The following CHD4 variants were observed in gnomAD, a reference collection of about 807,000 sequenced individuals.
The protein encoded by CHD4 is ATP-dependent chromatin remodeler CHD4.
A neutral mutation model predicts 235.5 loss-of-function variants in CHD4; 35 were observed. The ratio of observed to expected loss-of-function variants is 0.15; its 90% CI spans 0.11 to 0.20. The LOEUF is 0.20. Among genes scored for constraint, CHD4 ranks in the 10% least tolerant of loss-of-function variants. CHD4 has a pLI of 1.00. For synonymous variants in CHD4, 900 were observed against 850.2 expected, an observed-to-expected ratio of 1.06 and a Z score of -1.02; for missense variants, 1,329 against 2,432.3, an observed-to-expected ratio of 0.55 and a Z score of 9.54.
At chr12:6,576,378 G>C (rs1332098362) in intron 37 of CHD4, among the ~76,000 whole-genome samples, 1 of 151,904 alleles carries the variant, frequency 6.6e-6, no homozygotes, top group Non-Finnish European at 1.5e-5. Flanking sequence ...AACAAAACAG[G>C]GTCTCACTCC....
At chr12:6,584,079 A>C (rs1296661686) in intron 25 of CHD4, 2 of 152,176 alleles carry the variant, frequency 1.3e-5, no homozygotes, top group Non-Finnish European at 2.9e-5. Context: ...GGATTCAAAC[A>C]ACCATAGATG....
chr12:6,583,381 G>A lies in CHD4; in HGVS notation c.3880-3C>T. The A allele has an allele frequency of 6.2e-7, 1 of 1,602,982 alleles. No homozygotes were observed. Among genetic ancestry groups the A allele is most frequent in the Non-Finnish European group, 8.5e-7 (1 of 1,173,466 alleles). On this transcript the variant is annotated splice_polypyrimidine_tract_variant and splice_region_variant and intron_variant, in intron 25 of 39. Coordinates refer to ENST00000544040, the MANE Select transcript of CHD4 (RefSeq NM_001273.5). ...TCCCGTTCTACCTCCTCTTCCTCCTGGGACAGAGGGAGGGCCAGGACTCAG... is the reference window on the plus strand; with the variant it reads ...TCCCGTTCTACCTCCTCTTCCTCCTAGGACAGAGGGAGGGCCAGGACTCAG...
Position 6,570,875 on chromosome 12 carries a change from T to TG in CHD4, c.5714dup (p.Gln1906ThrfsTer21). ...AAGAAGAAAATGGTCCTACCTGCTGTGGGGTAGGTTCGGGTGCCCGGTTTG... is the reference window on the plus strand; with the variant it reads ...AAGAAGAAAATGGTCCTACCTGCTGTGGGGGTAGGTTCGGGTGCCCGGTTTG... On this transcript the variant is annotated frameshift_variant, in exon 39 of 40. Transcript: ENST00000544040. LOFTEE classifies it high-confidence loss of function. 1 of 1,614,136 alleles carries TG rather than the reference T, an allele frequency of 6.2e-7. No homozygotes were observed. The highest frequency in any genetic ancestry group is 8.5e-7 in the Non-Finnish European group (1 of 1,180,002).
At chr12:6,580,710 A>AAAAAAAAAAAAC (rs1183964852) in intron 33 of CHD4, 5,138 of 195,894 alleles carry the variant, frequency 0.026, 216 homozygotes, top group Non-Finnish European at 0.04. Context: ...CTTTGAAAAA[A>AAAAAAAAAAAAC]AAAAAAAAAA....
rs754085534 is a variant in CHD4 at position 6,600,401 on chromosome 12, C to CAAGG, written c.1064-10_1064-7dup. 1.1e-5 allele frequency: 18 copies of CAAGG among 1,613,746 alleles called. No homozygotes were observed. Among genetic ancestry groups the CAAGG allele is most frequent in the Non-Finnish European group, 1.4e-5 (16 of 1,179,774 alleles). On this transcript the variant is annotated splice_polypyrimidine_tract_variant and splice_region_variant and intron_variant, in intron 8 of 39. Transcript: ENST00000544040. Reference sequence around the variant, plus strand: ...AGCAGTCACCTCCTCCTCGCCTGGGCAAGGAAGAGGGAAAGCCCAGTTATT... The same window carrying CAAGG: ...AGCAGTCACCTCCTCCTCGCCTGGGCAAGGAAGGAAGAGGGAAAGCCCAGTTATT...
Position 6,606,263 on chromosome 12 carries a change from G to A in CHD4, c.100+11C>T, listed in dbSNP as rs1232426437. ...CTCCTTCCCGCCATGGGCCCTTGGGGAAGATGTTACCTGGGTGGGGTGGGG... is the reference window on the plus strand; with the variant it reads ...CTCCTTCCCGCCATGGGCCCTTGGGAAAGATGTTACCTGGGTGGGGTGGGG... On this transcript the variant is annotated intron_variant, in intron 2 of 39. Coordinates refer to ENST00000544040, the MANE Select transcript of CHD4 (RefSeq NM_001273.5). 1.9e-6 allele frequency: 3 copies of A among 1,549,604 alleles called. No individual in the cohort carries two copies. The highest frequency in any genetic ancestry group is 2.3e-5 in the South Asian group (2 of 88,208).
chr12:6,585,515 C>G (rs1948269965), intron 25 of CHD4, among the ~76,000 whole-genome samples: 1 of 151,942 alleles, frequency 6.6e-6, no homozygotes, highest in Non-Finnish European at 1.5e-5. Flanking sequence ...ATCTCTTGAC[C>G]TCGTGATCCA....
chr12:6,596,692 C>T (rs1440108941), intron 12 of CHD4, among the ~76,000 whole-genome samples: 2 of 151,918 alleles, frequency 1.3e-5, no homozygotes, highest in African/African-American at 2.4e-5. Context: ...CCCAGCTACT[C>T]GGGAAGCTGA....
chr12:6,594,258 C>A (rs565798602), intron 15 of CHD4, among the ~76,000 whole-genome samples: 4 of 152,262 alleles, frequency 2.6e-5, no homozygotes, highest in Admixed American at 6.5e-5. Flanking sequence ...TCAAATCTTC[C>A]GCTGTGTACA....
intron 2 of CHD4, among the ~76,000 whole-genome samples, chr12:6,604,616 G>T (rs920885975): frequency 1.3e-5 from 2 of 151,780 alleles, no homozygotes; most frequent in African/African-American, 4.8e-5. Context: ...AAAGCTGGAA[G>T]TGGAGACAAA....
Position 6,599,874 on chromosome 12 carries a change from G to C in CHD4, c.1381C>G (p.Leu461Val), listed in dbSNP as rs1269823730. The C allele has an allele frequency of 6.2e-7, 1 of 1,614,120 alleles. No homozygotes were observed. The highest frequency in any genetic ancestry group is 1.7e-5 in the Admixed American group (1 of 60,018). The change falls in exon 10 of 40, where the codon CTG becomes GTG. Residue 461 changes from leucine (L) to valine (V), a missense_variant. Physicochemically the swap from Leu to Val is conservative, Grantham distance 32. Coordinates refer to ENST00000544040, the MANE Select transcript of CHD4 (RefSeq NM_001273.5). ...FCRVCKDGGELLCCDTCPSSY... is the reference protein window; with the variant it reads ...FCRVCKDGGEVLCCDTCPSSY... ...GAAGGACAGGTATCACAGCAGAGCA[G>C]TTCCCCACCATCCTTGCAGACCCGA...
At chr12:6,587,139 T>C (rs1419628727) in intron 25 of CHD4, 4 of 492,988 alleles carry the variant, frequency 8.1e-6, no homozygotes, top group Non-Finnish European at 1.4e-5. Context: ...AAAATGACAT[T>C]CTGGTAAAGA....
intron 37 of CHD4, among the ~76,000 whole-genome samples, chr12:6,573,592 T>G (rs976485029): frequency 6.6e-6 from 1 of 152,180 alleles, no homozygotes; most frequent in African/African-American, 2.4e-5. Context: ...TCCTGATATT[T>G]TTCTTTTTAG....
At chr12:6,586,493 G>C (rs1186568557) in intron 25 of CHD4, among the ~76,000 whole-genome samples, 1 of 152,152 alleles carries the variant, frequency 6.6e-6, no homozygotes, top group Non-Finnish European at 1.5e-5. Flanking sequence ...GGGAGGTCAA[G>C]GCAGGAGAAC....
chr12:6,588,099 A>C, intron 23 of CHD4, 150 bp from the exon 24 acceptor site: 1 of 1,106,370 alleles, frequency 9.0e-7, no homozygotes, highest in South Asian at 1.5e-5. Flanking sequence ...GCCTCCAGAC[A>C]CCACCCTCTA....
rs1425134528 is a variant in CHD4 at position 6,570,607 on chromosome 12, G to A, written c.*69C>T. 3.1e-6 allele frequency: 5 copies of A among 1,591,608 alleles called. No homozygotes were observed. The highest frequency in any genetic ancestry group is 4.3e-6 in the Non-Finnish European group (5 of 1,160,014). The stretch of plus-strand genomic sequence containing the variant: ...GTGAGGGTCTCTCAGGCCCCCAGGG[G>A]AGAAGCTGGGACAAGAGAAAGTGAG... On this transcript the variant is annotated 3_prime_UTR_variant, in exon 40 of 40. Coordinates refer to ENST00000544040, the MANE Select transcript of CHD4 (RefSeq NM_001273.5).
intron 2 of CHD4, among the ~76,000 whole-genome samples, chr12:6,606,009 G>C (rs1408371771): frequency 6.6e-6 from 1 of 152,162 alleles, no homozygotes; most frequent in Non-Finnish European, 1.5e-5. Context: ...ATGCCTGCCA[G>C]CCCAGAGAGC....
intron 33 of CHD4, 95 bp downstream of exon 33, chr12:6,580,949 G>T (rs1362225611): frequency 7.0e-7 from 1 of 1,429,636 alleles, no homozygotes; most frequent in Non-Finnish European, 9.6e-7. Flanking sequence ...GGAGGTTGCA[G>T]TAAGCCAAGA....
chr12:6,587,537 T>C lies in CHD4; in HGVS notation c.3726A>G (p.Glu1242=). ...TDGGGDNKEG[E]DSSVIHYDDK... ...CATCGTAGTGGATAACACTGCTATC[T>C]TCTCCCTCTTTGTTGTCTCCTCCTA... The change falls in exon 25 of 40, where the codon GAA becomes GAG. Residue 1242 remains glutamate (E), a synonymous_variant. Transcript: ENST00000544040. 2 of 1,614,182 alleles carry C rather than the reference T, an allele frequency of 1.2e-6. No individual in the cohort carries two copies. Among genetic ancestry groups the C allele is most frequent in the Non-Finnish European group, 1.7e-6 (2 of 1,180,034 alleles).
Sources: gnomAD v4.1 joint callset for allele counts (sites outside exome capture counted in the v4.1 genomes callset) on GRCh38, gnomAD v4.1.1 for gene constraint, MANE v1.5 for transcripts, NCBI Gene and HGNC (gene_info 2026-07-23, HGNC 2026-07-21) for gene names.